The following MYBL1 variants were observed in gnomAD, a reference collection of about 807,000 sequenced individuals.
MYBL1 encodes the protein myb-related protein A.
In MYBL1, 17 loss-of-function variants were observed where a neutral mutation model predicts 96.3. The ratio of observed to expected loss-of-function variants is 0.18; its 90% CI spans 0.12 to 0.26. MYBL1 has a LOEUF of 0.26. Among genes scored for constraint, MYBL1 ranks in the 10% least tolerant of loss-of-function variants. The pLI is 1.00. For synonymous variants in MYBL1, 282 were observed against 292.7 expected (o/e 0.96, Z 0.37); for missense variants, 701 against 882.9 (o/e 0.79, Z 2.61).
At position 66,595,651 on chromosome 8, in the gene MYBL1, G is replaced by C; in HGVS notation, c.619C>G (p.Leu207Val). 2 of 1,590,688 alleles carry C rather than the reference G, an allele frequency of 1.3e-6. No individual in the cohort carries two copies. Among genetic ancestry groups the C allele is most frequent in the Non-Finnish European group, 1.7e-6 (2 of 1,167,312 alleles). ...GIKSERSSSK[L>V]QHKPCAAMDH... ...ATAGCTGCACAAGGTTTGTGTTGAA[G>C]TTTAGATGAAGATCGTTCTGATTTT... is the stretch of plus-strand genomic sequence containing the variant. Residue 207 changes from leucine (L) to valine (V), a missense_variant, in exon 6 of 16, where the codon CTT becomes GTT. By Grantham distance (32) the Leu-to-Val change is conservative (BLOSUM62 1). Around this residue, in one of 5 missense-constraint regions of MYBL1, gnomAD observed 396 missense variants for 407.4 expected, o/e 0.97. Coordinates refer to ENST00000522677, the MANE Select transcript of MYBL1 (RefSeq NM_001080416.4).
intron 1 of MYBL1, among the ~76,000 whole-genome samples, chr8:66,606,742 T>C (rs1274113988): frequency 6.6e-6 from 1 of 152,130 alleles, no homozygotes; most frequent in Admixed American, 6.5e-5. Flanking sequence ...CTGAAGCCAT[T>C]GTCTATTTGT....
chr8:66,598,086 C>G (rs1365694862), intron 4 of MYBL1, among the ~76,000 whole-genome samples: 1 of 152,138 alleles, frequency 6.6e-6, no homozygotes, highest in African/African-American at 2.4e-5. Flanking sequence ...AATATCATCT[C>G]ATAAACATTT....
chr8:66,611,975 T>C (rs1416039489), intron 1 of MYBL1, among the ~76,000 whole-genome samples: 2 of 152,122 alleles, frequency 1.3e-5, no homozygotes, highest in Non-Finnish European at 2.9e-5. Flanking sequence ...ATTTTTGTTA[T>C]CTAAGCAATT....
chr8:66,599,968 CAT>C (rs1365924373), intron 3 of MYBL1, among the ~76,000 whole-genome samples: 10 of 152,142 alleles, frequency 6.6e-5, no homozygotes, highest in Admixed American at 4.6e-4. Context: ...GAAAACATTA[CAT>C]AGTCTACATA....
At chr8:66,576,820 G>T (rs1159918101) in intron 9 of MYBL1, among the ~76,000 whole-genome samples, 1 of 152,018 alleles carries the variant, frequency 6.6e-6, no homozygotes, top group African/African-American at 2.4e-5. Context: ...TCATGATTTT[G>T]CACAAAGCTT....
intron 1 of MYBL1, among the ~76,000 whole-genome samples, chr8:66,606,083 G>A (rs2130052064): frequency 6.6e-6 from 1 of 152,236 alleles, no homozygotes; most frequent in African/African-American, 2.4e-5. Flanking sequence ...GAAAAATAGG[G>A]GGAAAGTGCT....
intron 8 of MYBL1, among the ~76,000 whole-genome samples, chr8:66,588,878 G>A (rs1809523887): frequency 6.6e-6 from 1 of 152,144 alleles, no homozygotes; most frequent in African/African-American, 2.4e-5. Context: ...AAATTAGCTG[G>A]GTATGGTGGC....
rs545007157 is a variant in MYBL1, at chr8:66,566,027, AAAAC to A, written c.2130+33_2130+36del. The A allele has an allele frequency of 5.7e-4, 792 of 1,395,786 alleles. 7 individuals carry two copies. The African/African-American group carries it at 8.6e-3, about 15-fold the overall frequency. The allele number at this position is 1,395,786 out of a possible 1,614,324, so 86.5% of individuals were successfully genotyped here. On this transcript the variant is annotated intron_variant, in intron 15 of 15. Coordinates refer to ENST00000522677, the MANE Select transcript of MYBL1 (RefSeq NM_001080416.4). ...ATCCAAAGTGATCATTGACTAAACA[AAAAC>A]AAAAATCACTAAAGAAATTTATAAA... is the stretch of plus-strand genomic sequence containing the variant.
chr8:66,587,894 T>C (rs1809483068), intron 8 of MYBL1, among the ~76,000 whole-genome samples: 1 of 152,196 alleles, frequency 6.6e-6, no homozygotes, highest in African/African-American at 2.4e-5. Flanking sequence ...CACTGAATAA[T>C]GGTAACTATT....
Position 66,580,314 on chromosome 8 carries a change from A to T in MYBL1, c.920T>A (p.Met307Lys), listed in dbSNP as rs1402766799. ...WSGSFLMDDN[M>K]SNTLNSLDEH... ...GTCAAGGCTATTTAGAGTATTAGAC[A>T]TGTTATCATCCATGAGGAAACTACC... The change falls in exon 9 of 16, where the codon ATG becomes AAG. Residue 307 changes from methionine (M) to lysine (K), a missense_variant. Coordinates refer to ENST00000522677, the MANE Select transcript of MYBL1 (RefSeq NM_001080416.4). 6.2e-7 allele frequency: 1 copy of T among 1,613,672 alleles called. No homozygotes were observed. Among genetic ancestry groups the T allele is most frequent in the Non-Finnish European group, 8.5e-7 (1 of 1,179,646 alleles).
intron 3 of MYBL1, among the ~76,000 whole-genome samples, chr8:66,600,718 C>T (rs535097199): frequency 1.3e-3 from 193 of 152,246 alleles, no homozygotes; most frequent in Non-Finnish European, 1.4e-3. Context: ...TATGCTCTTT[C>T]CATTACTTGA....
intron 7 of MYBL1, 75 bp downstream of exon 7, chr8:66,593,045 G>C (rs1809710256): frequency 1.1e-6 from 1 of 894,364 alleles, no homozygotes; most frequent in Admixed American, 2.4e-5. Context: ...AATAGATGAG[G>C]AAATAGATAC....
chr8:66,578,163 G>A (rs917550931), intron 9 of MYBL1, among the ~76,000 whole-genome samples: 30 of 152,100 alleles, frequency 2.0e-4, no homozygotes, highest in African/African-American at 6.5e-4. Context: ...TCAGGACATA[G>A]GCATGGACAA....
chr8:66,576,180 T>C lies in MYBL1; in HGVS notation c.1297A>G (p.Thr433Ala). The C allele has an allele frequency of 6.2e-7, 1 of 1,614,012 alleles. No homozygotes were observed. The part of the protein sequence containing the change: ...NGGNSEAVPL[T>A]SPNIAKFSTP... ...CTAAACTTGGCTATATTTGGGGATG[T>C]TAAAGGAACAGCTTCACTGTTGCCA... Residue 433 changes from threonine (T) to alanine (A), a missense_variant, in exon 10 of 16, where the codon ACA becomes GCA. By Grantham distance (58) the Thr-to-Ala change is moderately conservative (BLOSUM62 0). Coordinates refer to ENST00000522677, the MANE Select transcript of MYBL1 (RefSeq NM_001080416.4).
chr8:66,608,783 G>A (rs1810419561), intron 1 of MYBL1, among the ~76,000 whole-genome samples: 1 of 152,060 alleles, frequency 6.6e-6, no homozygotes, highest in African/African-American at 2.4e-5. Context: ...TTCCTACTAT[G>A]TAGTTAAATA....
intron 12 of MYBL1, among the ~76,000 whole-genome samples, chr8:66,570,556 C>A (rs1157076909): frequency 1.3e-5 from 2 of 152,168 alleles, no homozygotes; most frequent in African/African-American, 4.8e-5. Flanking sequence ...CTTGTCTAAT[C>A]CCCAATTAGT....
chr8:66,594,080 G>A (rs780233856), intron 6 of MYBL1, among the ~76,000 whole-genome samples: 11 of 151,826 alleles, frequency 7.2e-5, no homozygotes, highest in Non-Finnish European at 1.2e-4. Context: ...AGGCTGCAGC[G>A]AGCTGTGTGC....
In MYBL1 at chr8:66,597,420, G is replaced by C; in HGVS notation, c.422C>G (p.Ser141Cys). 27 of 1,613,160 alleles carry C rather than the reference G, an allele frequency of 1.7e-5. No homozygotes were observed. Among genetic ancestry groups the C allele is most frequent in the Non-Finnish European group, 2.3e-5 (27 of 1,179,540 alleles). The change falls in exon 5 of 16, where the codon TCC becomes TGC. Residue 141 changes from serine (S) to cysteine (C), a missense_variant. Physicochemically the swap from Ser to Cys is moderately radical, Grantham distance 112. Transcript: ENST00000522677. Reference sequence around the variant, plus strand: ...GATCCTGTCCTCCTCTTCTGTCCAGGAAGATTTCTTTACCTCAGGATTCAG... The same window carrying C: ...GATCCTGTCCTCCTCTTCTGTCCAGCAAGATTTCTTTACCTCAGGATTCAG... ...NHLNPEVKKS[S>C]WTEEEDRIIY...
intron 6 of MYBL1, 142 bp downstream of exon 6, chr8:66,595,441 T>C (rs1809811378): frequency 4.7e-6 from 2 of 422,718 alleles, no homozygotes; most frequent in Non-Finnish European, 8.1e-6. Flanking sequence ...AAAATATTTA[T>C]AAATCAAAGT....
Sources: gnomAD v4.1 joint callset for allele counts (sites outside exome capture counted in the v4.1 genomes callset) on GRCh38, gnomAD v4.1.1 for gene constraint, gnomAD v4.1.1 regional missense constraint, MANE v1.5 for transcripts, NCBI Gene and HGNC (gene_info 2026-07-23, HGNC 2026-07-21) for gene names.